Variants in CILP2 observed in about 807,000 individuals in gnomAD.
The protein encoded by CILP2 is cartilage intermediate layer protein 2, also known as CILP-2.
CILP2 carries 38 observed loss-of-function variants against 45.6 expected under a neutral mutation model. The ratio of observed to expected loss-of-function variants is 0.83; its 90% CI spans 0.64 to 1.09. CILP2 has a LOEUF of 1.09. CILP2 is among the 50% of genes least tolerant of loss of function. The probability of loss-of-function intolerance (pLI) is 0.00; values close to 1 mark genes in which losing one functional copy is unlikely to be tolerated. For synonymous variants in CILP2, 780 were observed against 723.5 expected, an observed-to-expected ratio of 1.08 and a Z score of -1.25; for missense variants, 1,735 against 1,662.2, an observed-to-expected ratio of 1.04 and a Z score of -0.76.
rs180722718 is a variant in CILP2 at position 19,538,277 on chromosome 19, C to A, written c.-73C>A. On this transcript the variant is annotated 5_prime_UTR_variant, in exon 1 of 8. Transcript: ENST00000291495. ...CGCCCCCACTCTCAGTCCCAGCGGC[C>A]GCCAGACCCGCCGGAGTTGGACCCG... 6.3e-5 allele frequency: 90 copies of A among 1,419,680 alleles called. No homozygotes were observed. The East Asian group carries it at 1.9e-3, about 30-fold the overall frequency. The allele number at this position is 1,419,680 out of a possible 1,614,324, so 87.9% of individuals were successfully genotyped here.
rs565227691 is a variant in CILP2, at chr19:19,542,796, G to C, written c.869-68G>C. 6.4e-6 allele frequency: 10 copies of C among 1,552,758 alleles called. No homozygotes were observed. The African/African-American group carries it at 1.4e-4, about 21-fold the overall frequency. ...GTCGGCATTTCTGGGAGAAAGGAGA[G>C]GATGGGGACGTTGCTCCTAGGAAGG... On this transcript the variant is annotated intron_variant, in intron 5 of 7. Transcript: ENST00000291495.
At chr19:19,541,391 G>A (rs540286137) in intron 4 of CILP2, 145 bp downstream of exon 4, 43 of 782,786 alleles carry the variant, frequency 5.5e-5, no homozygotes, top group Middle Eastern at 4.1e-4. Flanking sequence ...GCCTAGAGGG[G>A]AGGAGCTAGT....
Position 19,542,371 on chromosome 19 carries a change from C to G in CILP2, c.593-4C>G. Reference sequence around the variant, plus strand: ...TGTCCTGCTTCCTCTCCATATCCCCCCAGGGTGCAGCCTTGACACCTGTGA... The same window carrying G: ...TGTCCTGCTTCCTCTCCATATCCCCGCAGGGTGCAGCCTTGACACCTGTGA... On this transcript the variant is annotated splice_region_variant and splice_polypyrimidine_tract_variant and intron_variant, in intron 4 of 7. Coordinates refer to ENST00000291495, the MANE Select transcript of CILP2 (RefSeq NM_153221.2). 1.2e-6 allele frequency: 2 copies of G among 1,607,580 alleles called. No individual in the cohort carries two copies. Among genetic ancestry groups the G allele is most frequent in the Non-Finnish European group, 1.7e-6 (2 of 1,176,768 alleles).
intron 6 of CILP2, 78 bp downstream of exon 6, chr19:19,543,050 C>A: frequency 1.8e-6 from 2 of 1,106,724 alleles, no homozygotes; most frequent in Non-Finnish European, 1.3e-6. Flanking sequence ...TATGTGGTTT[C>A]CCATCTGGAG....
In CILP2 at chr19:19,545,754, G is replaced by A. The variant is rs770985215; in HGVS notation, c.3209G>A (p.Arg1070His). The A allele has an allele frequency of 4.3e-6, 7 of 1,611,742 alleles. No homozygotes were observed. The highest frequency in any genetic ancestry group is 2.2e-5 in the East Asian group (1 of 44,840). Reference sequence around the variant, plus strand: ...TACACTGTCACTGACCAGAGCCCACGCTTGGCCAAGGAGATCGCCATTGGC... The same window carrying A: ...TACACTGTCACTGACCAGAGCCCACACTTGGCCAAGGAGATCGCCATTGGC... ...GVYTVTDQSPRLAKEIAIGRC... is the reference protein window; with the variant it reads ...GVYTVTDQSPHLAKEIAIGRC... The change falls in exon 8 of 8, where the codon CGC (arginine) becomes CAC (histidine). Residue 1070 changes from arginine to histidine, a missense_variant. Physicochemically the swap from Arg to His is conservative, Grantham distance 29. Coordinates refer to ENST00000291495, the MANE Select transcript of CILP2 (RefSeq NM_153221.2).
chr19:19,545,746 G>C lies in CILP2; in HGVS notation c.3201G>C (p.Gln1067His). Reference protein sequence around the residue: ...HNYGVYTVTDQSPRLAKEIAI... With the variant: ...HNYGVYTVTDHSPRLAKEIAI... ...ATGGCGTCTACACTGTCACTGACCA[G>C]AGCCCACGCTTGGCCAAGGAGATCG... Residue 1067 changes from glutamine (Q) to histidine (H), a missense_variant, in exon 8 of 8, where the codon CAG (glutamine) becomes CAC (histidine). Coordinates refer to ENST00000291495, the MANE Select transcript of CILP2 (RefSeq NM_153221.2). The C allele has an allele frequency of 6.2e-7, 1 of 1,612,614 alleles. No individual in the cohort carries two copies. Among genetic ancestry groups the C allele is most frequent in the African/African-American group, 1.3e-5 (1 of 75,028 alleles).
chr19:19,538,508 G>C (rs2061231067), intron 1 of CILP2, 95 bp downstream of exon 1: 1 of 1,009,262 alleles, frequency 9.9e-7, no homozygotes, highest in Admixed American at 3.7e-5. Context: ...GAGAACCCAG[G>C]GACCCACGCG....
chr19:19,544,702 G>T lies in CILP2; in HGVS notation c.2157G>T (p.Val719=). 6.3e-7 allele frequency: 1 copy of T among 1,588,662 alleles called. No individual in the cohort carries two copies. Residue 719 remains valine, a synonymous_variant, in exon 8 of 8, where the codon GTG becomes GTT. Coordinates refer to ENST00000291495, the MANE Select transcript of CILP2 (RefSeq NM_153221.2). ...AGCGCGTCTTCCTGGTGGGCAACGTGGAGATCCGGGAGCGGCGCCTGTTCA... is the reference window on the plus strand; with the variant it reads ...AGCGCGTCTTCCTGGTGGGCAACGTTGAGATCCGGGAGCGGCGCCTGTTCA... ...REERVFLVGN[V]EIRERRLFNL...
rs1273232976 is a variant in CILP2, at chr19:19,544,669, C to T, written c.2124C>T (p.Arg708=). The T allele has an allele frequency of 1.9e-6, 3 of 1,562,824 alleles. No homozygotes were observed. Among genetic ancestry groups the T allele is most frequent in the East Asian group, 2.3e-5 (1 of 44,100 alleles). Residue 708 remains arginine (R), a synonymous_variant, in exon 8 of 8, where the codon CGC becomes CGT. Coordinates refer to ENST00000291495, the MANE Select transcript of CILP2 (RefSeq NM_153221.2). ...AGGGGTCCTCGGGCCCCCGGGTGCG[C>T]CGGGAGGAGCGCGTCTTCCTGGTGG... ...RREGSSGPRV[R]REERVFLVGN... is the part of the protein sequence containing the mutation.
At position 19,545,921 on chromosome 19, in the gene CILP2, C is replaced by A. The variant is rs1438113917; in HGVS notation, c.3376C>A (p.Leu1126Ile). 6.3e-7 allele frequency: 1 copy of A among 1,581,854 alleles called. No individual in the cohort carries two copies. Among genetic ancestry groups the A allele is most frequent in the Admixed American group, 1.7e-5 (1 of 57,302 alleles). ...GCTGCTGGAGTCCCCGGCGACAGCA[C>A]TTGGTGACATCCGCAGGGAGATGAG... ...QRLLESPATA[L>I]GDIRREMSEA... is the part of the protein sequence containing the mutation. Residue 1126 changes from leucine to isoleucine, a missense_variant, in exon 8 of 8, where the codon CTT becomes ATT. Physicochemically the swap from Leu to Ile is conservative, Grantham distance 5. Coordinates refer to ENST00000291495, the MANE Select transcript of CILP2 (RefSeq NM_153221.2).
At chr19:19,540,802 T>G in intron 3 of CILP2, 1 of 432,296 alleles carries the variant, frequency 2.3e-6, no homozygotes, top group Non-Finnish European at 4.0e-6. Context: ...CTCAGTTCTG[T>G]GGAGTGTCTT....
rs1568370580 is a variant in CILP2, at chr19:19,545,289, G to A, written c.2744G>A (p.Arg915Gln). 1 of 1,613,010 alleles carries A rather than the reference G, an allele frequency of 6.2e-7. No homozygotes were observed. The highest frequency in any genetic ancestry group is 2.2e-5 in the East Asian group (1 of 44,860). The change falls in exon 8 of 8, where the codon CGA becomes CAA. Residue 915 changes from arginine to glutamine, a missense_variant. Transcript: ENST00000291495. ...TACGAGTACAACGTGGTCCCCTTCC[G>A]AGAGGGCACACCTGCCTCCTGGACT... ...DKYEYNVVPFREGTPASWTGD... is the reference protein window; with the variant it reads ...DKYEYNVVPFQEGTPASWTGD...
At position 19,538,288 on chromosome 19, in the gene CILP2, C is replaced by G. The variant is rs1013442655; in HGVS notation, c.-62C>G. 3.4e-6 allele frequency: 5 copies of G among 1,482,072 alleles called. No homozygotes were observed. The Admixed American group carries it at 7.8e-5, about 23-fold the overall frequency. The allele number at this position is 1,482,072 out of a possible 1,614,324, so 91.8% of individuals were successfully genotyped here. On this transcript the variant is annotated 5_prime_UTR_variant, in exon 1 of 8. Coordinates refer to ENST00000291495, the MANE Select transcript of CILP2 (RefSeq NM_153221.2). ...TCAGTCCCAGCGGCCGCCAGACCCG[C>G]CGGAGTTGGACCCGAGCACGCCGCG...
rs761318850 is a variant in CILP2, at chr19:19,545,706, C to T, written c.3161C>T (p.Pro1054Leu). The T allele has an allele frequency of 5.0e-6, 8 of 1,612,862 alleles. No homozygotes were observed. The highest frequency in any genetic ancestry group is 4.0e-5 in the African/African-American group (3 of 74,934). ...AAFSMLAPLD[P>L]LGHNYGVYTV... ...TTCTCCATGCTGGCCCCCCTAGACC[C>T]TCTGGGCCACAACTATGGCGTCTAC... The change falls in exon 8 of 8, where the codon CCT (proline) becomes CTT (leucine). Residue 1054 changes from proline (P) to leucine (L), a missense_variant. Transcript: ENST00000291495.
chr19:19,544,885 C>T lies in CILP2; in HGVS notation c.2340C>T (p.Arg780=), dbSNP rs748390353. ...GFSANPRAWG[R]FDSAVTGPNG... ...CCGCCAACCCCCGTGCCTGGGGCCG[C>T]TTTGACAGCGCGGTCACCGGCCCCA... Residue 780 remains arginine (R), a synonymous_variant, in exon 8 of 8, where the codon CGC becomes CGT. Transcript: ENST00000291495. The T allele has an allele frequency of 6.3e-7, 1 of 1,589,844 alleles. No individual in the cohort carries two copies. Among genetic ancestry groups the T allele is most frequent in the East Asian group, 2.2e-5 (1 of 44,728 alleles).
intron 3 of CILP2, chr19:19,540,710 G>T: frequency 1.9e-6 from 1 of 526,844 alleles, no homozygotes; most frequent in Non-Finnish European, 3.2e-6. Context: ...GCACCGTCAG[G>T]AGGCCCAGCG....
At position 19,542,497 on chromosome 19, in the gene CILP2, A is replaced by G. The variant is rs867546715; in HGVS notation, c.715A>G (p.Thr239Ala). 6 of 1,613,742 alleles carry G rather than the reference A, an allele frequency of 3.7e-6. No individual in the cohort carries two copies. The African/African-American group carries it at 6.7e-5, about 18-fold the overall frequency. The change falls in exon 5 of 8, where the codon ACC becomes GCC. Residue 239 changes from threonine to alanine, a missense_variant. By Grantham distance (58) the Thr-to-Ala change is moderately conservative (BLOSUM62 0). Coordinates refer to ENST00000291495, the MANE Select transcript of CILP2 (RefSeq NM_153221.2). Reference sequence around the variant, plus strand: ...GCGAGACCAGCCTGGCACTGTGGCCACCAGCGATGCTCACGGAACCTTCCG... The same window carrying G: ...GCGAGACCAGCCTGGCACTGTGGCCGCCAGCGATGCTCACGGAACCTTCCG... The part of the protein sequence containing the change: ...SLRDQPGTVA[T>A]SDAHGTFRVP...
intron 3 of CILP2, 77 bp from the exon 4 acceptor site, chr19:19,541,014 T>A: frequency 8.4e-7 from 1 of 1,195,974 alleles, no homozygotes; most frequent in Non-Finnish European, 1.0e-6. Context: ...GGAAGAAGGG[T>A]CCTTTAGTCC....
chr19:19,541,205 G>C lies in CILP2; in HGVS notation c.551G>C (p.Arg184Pro), dbSNP rs1170271088. 7.8e-7 allele frequency: 1 copy of C among 1,278,482 alleles called. No individual in the cohort carries two copies. Among genetic ancestry groups the C allele is most frequent in the African/African-American group, 1.5e-5 (1 of 65,786 alleles). 79.2% of individuals were successfully genotyped at this position (1,278,482 alleles called of 1,614,324 possible). A position where few individuals can be genotyped will look rare whatever the true frequency, so the allele number is the denominator to read the frequency against. The stretch of plus-strand genomic sequence containing the variant: ...CCCGCTGGGGATGCGTGTCCCGGGC[G>C]TCCTCTGGAGGCGCAGAAGTGCGTG... The part of the protein sequence containing the change: ...PSPAGDACPG[R>P]PLEAQKCVRP... Residue 184 changes from arginine (R) to proline (P), a missense_variant, in exon 4 of 8, where the codon CGT (arginine) becomes CCT (proline). By Grantham distance (103) the Arg-to-Pro change is moderately radical. Transcript: ENST00000291495.
Sources: allele counts gnomAD v4.1 joint callset, GRCh38; gene constraint gnomAD v4.1.1; transcripts MANE v1.5; gene names NCBI Gene and HGNC (gene_info 2026-07-23, HGNC 2026-07-21).